The following MMP26 variants were observed in gnomAD, a reference collection of about 807,000 sequenced individuals.
The protein encoded by MMP26 is matrix metallopeptidase 26, also known as matrix metalloproteinase-26.
MMP26 carries 33 observed loss-of-function variants against 31.0 expected under a neutral mutation model. That is an observed-to-expected ratio of 1.06 (90% CI 0.81 to 1.42). The LOEUF (loss-of-function observed/expected upper bound fraction) is 1.42. Ranked by LOEUF, MMP26 falls within the 40% of genes most tolerant of loss-of-function variation. MMP26 has a pLI of 0.00. For missense variants in MMP26, 347 were observed against 316.1 expected, an observed-to-expected ratio of 1.10 and a Z score of -0.74; for synonymous variants, 122 against 114.9, an observed-to-expected ratio of 1.06 and a Z score of -0.40.
At chr11:4,882,496 T>C (rs372455495) in intron 2 of MMP26, 47 of 1,613,858 alleles carry the variant, frequency 2.9e-5, no homozygotes, top group Middle Eastern at 1.6e-4. Context: ...TCAGCAGTTT[T>C]TGGGGACTGT....
intron 2 of MMP26, among the ~76,000 whole-genome samples, chr11:4,867,253 C>G (rs1456258075): frequency 3.3e-5 from 5 of 151,982 alleles, no homozygotes; most frequent in Admixed American, 1.3e-4. Context: ...AACAAACAAC[C>G]CCATTAAAAA....
intron 2 of MMP26, among the ~76,000 whole-genome samples, chr11:4,873,652 G>A (rs1039425675): frequency 3.9e-5 from 6 of 151,962 alleles, no homozygotes; most frequent in African/African-American, 1.5e-4. Flanking sequence ...AATTTTTATA[G>A]TCAAGCAAAC....
Position 4,826,917 on chromosome 11 carries a change from T to C in MMP26, c.-145+59576T>C, listed in dbSNP as rs79586379. Reference sequence around the variant, plus strand: ...TAAAAAGACAGAAACAGTTAATCCATTGGATCCTTTTTCCCATTGCTGAAA... The same window carrying C: ...TAAAAAGACAGAAACAGTTAATCCACTGGATCCTTTTTCCCATTGCTGAAA... On this transcript the variant is annotated intron_variant, in intron 2 of 7. Coordinates refer to ENST00000380390, the MANE Select transcript of MMP26 (RefSeq NM_021801.5). Among the ~76,000 whole-genome samples, 913 of 152,248 alleles carry C rather than the reference T, an allele frequency of 6.0e-3. 12 individuals are homozygous for C. The highest frequency in any genetic ancestry group is 0.021 in the African/African-American group (879 of 41,544).
intron 1 of MMP26, among the ~76,000 whole-genome samples, chr11:4,738,371 A>G (rs1386073173): frequency 6.6e-6 from 1 of 152,196 alleles, no homozygotes; most frequent in African/African-American, 2.4e-5. Context: ...TTTGCTTCTC[A>G]TTCATAATGT....
chr11:4,816,740 A>T (rs1173187757), intron 2 of MMP26, among the ~76,000 whole-genome samples: 1 of 112,516 alleles, frequency 8.9e-6, no homozygotes, highest in African/African-American at 3.6e-5. Flanking sequence ...GTCTCGCTCT[A>T]TTGCCCAGGC....
intron 2 of MMP26, among the ~76,000 whole-genome samples, chr11:4,959,575 T>C (rs1846493138): frequency 6.6e-6 from 1 of 152,194 alleles, no homozygotes; most frequent in South Asian, 2.1e-4. Flanking sequence ...TATTTTCCCC[T>C]GAACACACCA....
intron 2 of MMP26, among the ~76,000 whole-genome samples, chr11:4,920,273 T>C (rs1300201533): frequency 6.6e-6 from 1 of 152,190 alleles, no homozygotes; most frequent in African/African-American, 2.4e-5. Context: ...TAAACCTTTC[T>C]TAATGTAAGT....
chr11:4,915,715 A>G (rs1186159009), intron 2 of MMP26: 1 of 1,302,984 alleles, frequency 7.7e-7, no homozygotes, highest in East Asian at 2.3e-5. Flanking sequence ...CCTGAAGTAA[A>G]TTGAGGCAGT....
intron 2 of MMP26, chr11:4,822,137 C>G (rs760395116): frequency 6.2e-6 from 10 of 1,612,188 alleles, no homozygotes; most frequent in South Asian, 2.2e-5. Flanking sequence ...AGGCGGAAAG[C>G]CTTCAACACC....
chr11:4,932,970 T>C (rs1851372477), intron 2 of MMP26, among the ~76,000 whole-genome samples: 1 of 152,174 alleles, frequency 6.6e-6, no homozygotes, highest in South Asian at 2.1e-4. Context: ...CATTGAAGCA[T>C]GTGTTGGACA....
At chr11:4,776,259 AGTGATG>A (rs1186723967) in intron 2 of MMP26, among the ~76,000 whole-genome samples, 100 of 152,022 alleles carry the variant, frequency 6.6e-4, no homozygotes, top group Admixed American at 6.5e-3. Flanking sequence ...TAAACATGTG[AGTGATG>A]GTATCTTTTT....
intron 2 of MMP26, chr11:4,946,355 A>C: frequency 6.2e-7 from 1 of 1,613,814 alleles, no homozygotes; most frequent in Non-Finnish European, 8.5e-7. Flanking sequence ...GAAGATGATC[A>C]CTGCACAGAT....
intron 3 of MMP26, 51 bp downstream of exon 3, chr11:4,988,361 C>T: frequency 1.4e-6 from 2 of 1,412,598 alleles, no homozygotes; most frequent in Non-Finnish European, 2.0e-6. Flanking sequence ...ATTGTGGGCT[C>T]TTATTTCGTG....
intron 2 of MMP26, among the ~76,000 whole-genome samples, chr11:4,902,469 G>A (rs1373929786): frequency 1.3e-5 from 2 of 152,120 alleles, no homozygotes; most frequent in Admixed American, 6.5e-5. Flanking sequence ...TTTTGTGGCT[G>A]TGTAGTATTC....
At chr11:4,885,001 C>T (rs1399073297) in intron 2 of MMP26, among the ~76,000 whole-genome samples, 2 of 151,966 alleles carry the variant, frequency 1.3e-5, no homozygotes, top group African/African-American at 4.8e-5. Context: ...ATATTTCTTC[C>T]AGTTTTATGG....
At chr11:4,706,329 G>A (rs1847776393) in intron 1 of MMP26, among the ~76,000 whole-genome samples, 1 of 151,800 alleles carries the variant, frequency 6.6e-6, no homozygotes. Context: ...GGAGGCCAAG[G>A]CAGGTGTATT....
chr11:4,972,885 A>G (rs1364682616), intron 2 of MMP26: 2 of 152,158 alleles, frequency 1.3e-5, no homozygotes, highest in African/African-American at 2.4e-5. Context: ...TTTCTTATTG[A>G]TCTATTCTGC....
intron 2 of MMP26, among the ~76,000 whole-genome samples, chr11:4,933,209 G>C (rs1589943363): frequency 6.6e-6 from 1 of 152,010 alleles, no homozygotes; most frequent in African/African-American, 2.4e-5. Context: ...TGTGGTTTTT[G>C]TGACTCTATA....
chr11:4,956,124 T>C (rs1709342495), intron 2 of MMP26, among the ~76,000 whole-genome samples: 1 of 152,214 alleles, frequency 6.6e-6, no homozygotes, highest in South Asian at 2.1e-4. Flanking sequence ...ATGTGATCAG[T>C]TGCCAAAAAA....
Sources: allele counts gnomAD v4.1 joint callset (sites outside exome capture counted in the v4.1 genomes callset), GRCh38; gene constraint gnomAD v4.1.1; transcripts MANE v1.5; gene names NCBI Gene and HGNC (gene_info 2026-07-23, HGNC 2026-07-21).